CYP39A1: variants seen among roughly 807,000 people sequenced by gnomAD.
CYP39A1 encodes the protein 24-hydroxycholesterol 7-alpha-hydroxylase.
CYP39A1 carries 49 observed loss-of-function variants against 58.1 expected under a neutral mutation model. The ratio of observed to expected loss-of-function variants is 0.84; its 90% confidence interval spans 0.67 to 1.07. The LOEUF (loss-of-function observed/expected upper bound fraction) is 1.07. Ranked by LOEUF, CYP39A1 falls within the 50% of genes least tolerant of loss-of-function variation. The pLI, the probability that CYP39A1 is intolerant of heterozygous loss-of-function variation, is 0.00. For synonymous variants in CYP39A1, 209 were observed against 187.6 expected (o/e 1.11, Z -0.93); for missense variants, 531 against 539.4 (o/e 0.98, Z 0.16).
intron 10 of CYP39A1, among the ~76,000 whole-genome samples, chr6:46,557,044 C>A (rs1191707905): frequency 6.6e-6 from 1 of 151,728 alleles, no homozygotes; most frequent in Non-Finnish European, 1.5e-5. Flanking sequence ...ATGAAAAATA[C>A]AATATCTTAA....
chr6:46,624,693 C>CT (rs900140882), intron 7 of CYP39A1, among the ~76,000 whole-genome samples: 4 of 152,104 alleles, frequency 2.6e-5, no homozygotes, highest in Admixed American at 1.3e-4. Flanking sequence ...ATTTCTTATT[C>CT]TTTTTATATC....
chr6:46,616,687 T>C (rs192106221), intron 7 of CYP39A1, among the ~76,000 whole-genome samples: 1 of 152,142 alleles, frequency 6.6e-6, no homozygotes, highest in African/African-American at 2.4e-5. Flanking sequence ...CCCTGTCATA[T>C]AACGGGAGTG....
intron 1 of CYP39A1, 23 bp downstream of exon 1, chr6:46,652,383 C>A (rs1264018706): frequency 2.5e-6 from 4 of 1,592,962 alleles, no homozygotes; most frequent in Non-Finnish European, 2.6e-6. Flanking sequence ...CCTCTGGAGA[C>A]CCCGTCTGCC....
intron 2 of CYP39A1, among the ~76,000 whole-genome samples, chr6:46,640,031 GA>G (rs1012427552): frequency 2.6e-5 from 4 of 152,176 alleles, no homozygotes; most frequent in Non-Finnish European, 4.4e-5. Context: ...AGAATCGCTT[GA>G]ACCCAGGAGT....
At chr6:46,629,189 C>A (rs1775501840) in intron 6 of CYP39A1, among the ~76,000 whole-genome samples, 2 of 152,198 alleles carry the variant, frequency 1.3e-5, no homozygotes, top group Admixed American at 6.5e-5. Flanking sequence ...CAGACACTTT[C>A]TTTCTGAAAT....
chr6:46,621,549 C>T (rs986504990), intron 7 of CYP39A1, among the ~76,000 whole-genome samples: 3 of 152,026 alleles, frequency 2.0e-5, no homozygotes, highest in Non-Finnish European at 2.9e-5. Flanking sequence ...TTTATACCAA[C>T]AAATTAGATA....
At chr6:46,633,664 C>T (rs1775788719) in intron 5 of CYP39A1, among the ~76,000 whole-genome samples, 1 of 152,138 alleles carries the variant, frequency 6.6e-6, no homozygotes, top group Non-Finnish European at 1.5e-5. Context: ...TGATACCAGC[C>T]TGACCAATAT....
rs1561994397 is a variant in CYP39A1, at chr6:46,616,221, TCCCTCCCTCCCTCCCTCCCTC to T, written c.931+9176_931+9196del. Among the ~76,000 whole-genome samples the T allele has an allele frequency of 4.1e-4, 10 of 24,680 alleles. 2 individuals are homozygous for T. Among genetic ancestry groups the T allele is most frequent in the African/African-American group, 1.7e-3 (9 of 5,336 alleles). 16.2% of individuals were successfully genotyped at this position (24,680 alleles called of 152,430 possible). On this transcript the variant is annotated intron_variant, in intron 7 of 11. Coordinates refer to ENST00000275016, the MANE Select transcript of CYP39A1 (RefSeq NM_016593.5). Reference sequence around the variant, plus strand: ...CTCCCTCCCTCCCTCCCTCCCTCCCTCCCTCCCTCCCTCCCTCCCTCCCTTCCTTCCTTCCTTTCTTCCTTC... The same window carrying T: ...CTCCCTCCCTCCCTCCCTCCCTCCCTCCTTCCTTCCTTCCTTTCTTCCTTC...
At chr6:46,554,437 T>C (rs1400086550) in intron 10 of CYP39A1, among the ~76,000 whole-genome samples, 5 of 152,132 alleles carry the variant, frequency 3.3e-5, no homozygotes, top group Admixed American at 6.5e-5. Context: ...GACCTCTAAA[T>C]CCACTTTTCC....
intron 6 of CYP39A1, among the ~76,000 whole-genome samples, chr6:46,629,638 A>G (rs1440935391): frequency 2.0e-5 from 3 of 152,206 alleles, no homozygotes; most frequent in Non-Finnish European, 4.4e-5. Context: ...GAAAGCCTTT[A>G]ACAACCTAGG....
chr6:46,652,476 A>G lies in CYP39A1; in HGVS notation c.107T>C (p.Ile36Thr), dbSNP rs1171839483. Residue 36 changes from isoleucine to threonine, a missense_variant, in exon 1 of 12, where the codon ATT becomes ACT. By Grantham distance (89) the Ile-to-Thr change is moderately conservative. Transcript: ENST00000275016. ...LRRPPCIKGW[I>T]PWIGVGFEFG... Reference sequence around the variant, plus strand: ...CTCAAATCCAACTCCAATCCAAGGAATCCAGCCCTTGATGCACGGGGGTCT... The same window carrying G: ...CTCAAATCCAACTCCAATCCAAGGAGTCCAGCCCTTGATGCACGGGGGTCT... 3.1e-6 allele frequency: 5 copies of G among 1,613,914 alleles called. No individual in the cohort carries two copies. Among genetic ancestry groups the G allele is most frequent in the Non-Finnish European group, 4.2e-6 (5 of 1,179,962 alleles).
At chr6:46,637,715 C>T (rs540081024) in intron 4 of CYP39A1, 114 bp downstream of exon 4, 15 of 1,086,902 alleles carry the variant, frequency 1.4e-5, no homozygotes, top group Admixed American at 1.3e-4. Context: ...TCATAAGAAA[C>T]GGCTTCTCTC....
At chr6:46,632,383 GTTTTC>G (rs1206002197) in intron 5 of CYP39A1, among the ~76,000 whole-genome samples, 1 of 151,838 alleles carries the variant, frequency 6.6e-6, no homozygotes, top group African/African-American at 2.4e-5. Context: ...TTTTTGTAGA[GTTTTC>G]TTTTCTTTCT....
intron 1 of CYP39A1, among the ~76,000 whole-genome samples, chr6:46,649,599 T>A (rs1261841246): frequency 6.6e-6 from 1 of 152,236 alleles, no homozygotes; most frequent in Non-Finnish European, 1.5e-5. Context: ...ATAGGAACAG[T>A]GTGAATAATA....
At chr6:46,642,934 C>G (rs946636211) in intron 1 of CYP39A1, among the ~76,000 whole-genome samples, 1 of 152,194 alleles carries the variant, frequency 6.6e-6, no homozygotes, top group Non-Finnish European at 1.5e-5. Context: ...ATTCTCCATG[C>G]GTTCCCTCCT....
chr6:46,620,905 ACAAT>A (rs146912667), intron 7 of CYP39A1, among the ~76,000 whole-genome samples: 28,994 of 152,096 alleles, frequency 0.19, 2,952 homozygotes, highest in African/African-American at 0.27. Flanking sequence ...AAATAACTAA[ACAAT>A]CAAACAAACA....
At chr6:46,565,804 C>T (rs1015086784) in intron 10 of CYP39A1, among the ~76,000 whole-genome samples, 9 of 152,096 alleles carry the variant, frequency 5.9e-5, no homozygotes, top group Non-Finnish European at 4.4e-5. Flanking sequence ...TCATGCTTCC[C>T]GACATCACCT....
At chr6:46,624,749 C>T (rs1043101302) in intron 7 of CYP39A1, among the ~76,000 whole-genome samples, 1 of 151,952 alleles carries the variant, frequency 6.6e-6, no homozygotes, top group Admixed American at 6.6e-5. Context: ...AAGTCAACTC[C>T]CCAGATTGGT....
At chr6:46,632,255 C>T (rs1247384244) in intron 5 of CYP39A1, among the ~76,000 whole-genome samples, 1 of 152,078 alleles carries the variant, frequency 6.6e-6, no homozygotes, top group Non-Finnish European at 1.5e-5. Context: ...AATTGTTGTG[C>T]AATCATTATT....
Sources: allele counts gnomAD v4.1 joint callset (sites outside exome capture counted in the v4.1 genomes callset), GRCh38; gene constraint gnomAD v4.1.1; transcripts MANE v1.5; gene names NCBI Gene and HGNC (gene_info 2026-07-23, HGNC 2026-07-21).